Variants in EAF2 observed in about 807,000 individuals in gnomAD.
EAF2 encodes the protein ELL-associated factor 2.
Under a neutral mutation model 29.4 loss-of-function variants are expected in EAF2, and 29 were observed. That is an observed-to-expected ratio of 0.99 (90% CI 0.73 to 1.35). The LOEUF is 1.35. EAF2 is among the 40% of genes most tolerant of loss of function. The pLI, the probability that EAF2 is intolerant of heterozygous loss-of-function variation, is 0.00. For missense variants in EAF2, 292 were observed against 312.0 expected, an observed-to-expected ratio of 0.94 and a Z score of 0.48; for synonymous variants, 103 against 102.5, an observed-to-expected ratio of 1.00 and a Z score of -0.03.
chr3:121,835,527 G>T (rs1254273260), intron 1 of EAF2, 136 bp downstream of exon 1: 1 of 762,496 alleles, frequency 1.3e-6, no homozygotes, highest in Admixed American at 2.1e-5. Flanking sequence ...GGGAGGCAGC[G>T]CGATCCTCTA....
At chr3:121,850,937 A>G (rs1392181138) in intron 2 of EAF2, among the ~76,000 whole-genome samples, 1 of 151,974 alleles carries the variant, frequency 6.6e-6, no homozygotes, top group Non-Finnish European at 1.5e-5. Context: ...CCGACCTCAG[A>G]TGATCCACCT....
rs575732380 is a variant in EAF2, at chr3:121,846,674, T to C, written c.201+2127T>C. Among the ~76,000 whole-genome samples the C allele has an allele frequency of 7.9e-5, 12 of 152,058 alleles. No individual in the cohort carries two copies. The South Asian group carries it at 8.3e-4, about 11-fold the overall frequency. ...TAGTCTATTGTCTCAGGCTATACAG[T>C]ATTATTGATCAGTAATGATTGGTTT... On this transcript the variant is annotated intron_variant, in intron 2 of 5. Transcript: ENST00000273668.
chr3:121,861,861 G>A (rs1330897705), intron 4 of EAF2, among the ~76,000 whole-genome samples: 12 of 152,124 alleles, frequency 7.9e-5, no homozygotes. Context: ...TGTAAGGCAG[G>A]CCTGGTGGTG....
intron 5 of EAF2, among the ~76,000 whole-genome samples, chr3:121,881,569 G>C (rs1224325357): frequency 1.3e-5 from 2 of 151,872 alleles, no homozygotes; most frequent in Admixed American, 1.3e-4. Flanking sequence ...GAGTCCAGTG[G>C]CACAATCTCA....
At chr3:121,840,078 C>T (rs921927850) in intron 1 of EAF2, among the ~76,000 whole-genome samples, 1 of 149,800 alleles carries the variant, frequency 6.7e-6, no homozygotes, top group African/African-American at 2.5e-5. Context: ...CGTAATCCAG[C>T]TTCTTGGAAG....
intron 2 of EAF2, among the ~76,000 whole-genome samples, chr3:121,854,145 G>A (rs1031874455): frequency 5.9e-5 from 9 of 151,816 alleles, no homozygotes; most frequent in East Asian, 3.9e-4. Flanking sequence ...GTGAAACCCC[G>A]TCTCTACTAA....
intron 1 of EAF2, among the ~76,000 whole-genome samples, chr3:121,839,030 A>G (rs1158028376): frequency 6.6e-6 from 1 of 152,194 alleles, no homozygotes; most frequent in Non-Finnish European, 1.5e-5. Context: ...TTTTGTGAAG[A>G]TTAAAATTGA....
At chr3:121,851,640 G>GT (rs1708633278) in intron 2 of EAF2, among the ~76,000 whole-genome samples, 3 of 152,320 alleles carry the variant, frequency 2.0e-5, no homozygotes, top group East Asian at 3.9e-4. Context: ...CCATGTGCAG[G>GT]TTTATGGAAT....
At chr3:121,865,510 A>G (rs1708907943) in intron 4 of EAF2, among the ~76,000 whole-genome samples, 1 of 152,072 alleles carries the variant, frequency 6.6e-6, no homozygotes, top group Non-Finnish European at 1.5e-5. Context: ...CTTAAATTTT[A>G]CATTTACATC....
intron 5 of EAF2, among the ~76,000 whole-genome samples, chr3:121,874,045 T>C (rs558784309): frequency 7.2e-5 from 11 of 151,906 alleles, no homozygotes; most frequent in Non-Finnish European, 1.5e-4. Flanking sequence ...TTGCTTATCA[T>C]TGAATTCTTG....
At position 121,886,471 on chromosome 3, in the gene EAF2, G is replaced by T. The variant is rs1182215585; in HGVS notation, c.*83G>T. ...ACAATAAAAATTCCTAAGACTGAGG[G>T]AAATATGTCTTAACTTTTGATGATA... On this transcript the variant is annotated 3_prime_UTR_variant, in exon 6 of 6. Transcript: ENST00000273668. 5.5e-6 allele frequency: 4 copies of T among 723,564 alleles called. No homozygotes were observed. The highest frequency in any genetic ancestry group is 1.9e-5 in the African/African-American group (1 of 53,242). The allele number at this position is 723,564 out of a possible 1,614,324, so 44.8% of individuals were successfully genotyped here.
chr3:121,865,935 G>GC (rs771214019), intron 4 of EAF2, among the ~76,000 whole-genome samples: 2 of 152,074 alleles, frequency 1.3e-5, no homozygotes, highest in African/African-American at 2.4e-5. Context: ...TCCCAGACCT[G>GC]CCCCCCTGCC....
At chr3:121,875,867 T>C (rs1709086042) in intron 5 of EAF2, among the ~76,000 whole-genome samples, 1 of 151,610 alleles carries the variant, frequency 6.6e-6, no homozygotes, top group South Asian at 2.1e-4. Context: ...ATTGGTGAAA[T>C]AGAAGATAAT....
At chr3:121,856,390 G>A (rs1708718911) in intron 3 of EAF2, among the ~76,000 whole-genome samples, 1 of 151,112 alleles carries the variant, frequency 6.6e-6, no homozygotes, top group Admixed American at 6.6e-5. Flanking sequence ...TATTGCCCAG[G>A]CTGGTCTTGA....
intron 5 of EAF2, 157 bp downstream of exon 5, chr3:121,872,945 A>T: frequency 1.7e-6 from 2 of 1,150,064 alleles, no homozygotes; most frequent in South Asian, 2.8e-5. Flanking sequence ...TTTCTTTTGA[A>T]TCTGTGACAT....
At chr3:121,866,619 G>C (rs1382645291) in intron 4 of EAF2, among the ~76,000 whole-genome samples, 1 of 152,058 alleles carries the variant, frequency 6.6e-6, no homozygotes, top group African/African-American at 2.4e-5. Flanking sequence ...CAGCTACTTG[G>C]GAGGCTGAGG....
intron 1 of EAF2, among the ~76,000 whole-genome samples, chr3:121,841,724 A>G (rs979532661): frequency 6.6e-6 from 1 of 150,576 alleles, no homozygotes; most frequent in Non-Finnish European, 1.5e-5. Context: ...AATATAAAAA[A>G]TAAGGCCGGG....
intron 3 of EAF2, among the ~76,000 whole-genome samples, chr3:121,855,617 A>G (rs1475692684): frequency 6.6e-6 from 1 of 152,204 alleles, no homozygotes; most frequent in Non-Finnish European, 1.5e-5. Context: ...AAGTTTGTGC[A>G]ATACCGATTT....
intron 1 of EAF2, among the ~76,000 whole-genome samples, chr3:121,844,067 GA>G (rs1250049332): frequency 6.6e-6 from 1 of 151,926 alleles, no homozygotes; most frequent in Non-Finnish European, 1.5e-5. Context: ...ACATAAAAAA[GA>G]AAAATTTATT....
Sources: gnomAD v4.1 joint callset for allele counts (sites outside exome capture counted in the v4.1 genomes callset) on GRCh38, gnomAD v4.1.1 for gene constraint, MANE v1.5 for transcripts, NCBI Gene and HGNC (gene_info 2026-07-23, HGNC 2026-07-21) for gene names.